SPSB1: variants seen among roughly 807,000 people sequenced by gnomAD.
SPSB1 encodes the protein SPRY domain-containing SOCS box protein 1.
In SPSB1, 8 loss-of-function variants were observed where a neutral mutation model predicts 21.2. That is an observed-to-expected ratio of 0.38 (90% CI 0.22 to 0.68). The LOEUF (loss-of-function observed/expected upper bound fraction) is 0.68. Ranked by LOEUF, SPSB1 falls within the 30% of genes least tolerant of loss-of-function variation. SPSB1 has a pLI of 0.53. For synonymous variants in SPSB1, 169 were observed against 161.7 expected (o/e 1.05, Z -0.34); for missense variants, 242 against 377.8 (o/e 0.64, Z 2.98).
chr1:9,310,379 T>C (rs1203962302), intron 1 of SPSB1, among the ~76,000 whole-genome samples: 1 of 152,162 alleles, frequency 6.6e-6, no homozygotes, highest in Non-Finnish European at 1.5e-5. Flanking sequence ...TTCTAAGGGA[T>C]GAGCTCCTGG....
At chr1:9,300,878 G>A (rs1385293416) in intron 1 of SPSB1, among the ~76,000 whole-genome samples, 2 of 152,190 alleles carry the variant, frequency 1.3e-5, no homozygotes, top group Non-Finnish European at 2.9e-5. Context: ...CCCTCTGATC[G>A]ATTGACAGTG....
intron 1 of SPSB1, among the ~76,000 whole-genome samples, chr1:9,354,082 C>T (rs963528007): frequency 4.8e-4 from 73 of 152,258 alleles, no homozygotes; most frequent in African/African-American, 1.5e-3. Flanking sequence ...AACAGGGTCT[C>T]GTGGGGCCTC....
At chr1:9,340,896 G>A (rs1440144462) in intron 1 of SPSB1, among the ~76,000 whole-genome samples, 1 of 152,234 alleles carries the variant, frequency 6.6e-6, no homozygotes, top group Non-Finnish European at 1.5e-5. Flanking sequence ...GTACCTGGCT[G>A]CGGTGCGGGG....
At position 9,321,053 on chromosome 1, in the gene SPSB1, C is replaced by G. The variant is rs1639715053; in HGVS notation, c.-150+27982C>G. Reference sequence around the variant, plus strand: ...GGGGATTCTGGCTGGAAAAGGCAGCCGTGTAATTACAGGTACTGGAAATAG... The same window carrying G: ...GGGGATTCTGGCTGGAAAAGGCAGCGGTGTAATTACAGGTACTGGAAATAG... On this transcript the variant is annotated intron_variant, in intron 1 of 2. Coordinates refer to ENST00000328089, the MANE Select transcript of SPSB1 (RefSeq NM_025106.4). The surrounding 1 kb of genome is among the most constrained non-coding windows in gnomAD (Gnocchi z 4.8). Among the ~76,000 whole-genome samples, 1 of 152,164 alleles carries G rather than the reference C, an allele frequency of 6.6e-6. No individual in the cohort carries two copies. Among genetic ancestry groups the G allele is most frequent in the Non-Finnish European group, 1.5e-5 (1 of 68,036 alleles).
Position 9,367,241 on chromosome 1 carries a change from G to C in SPSB1, c.695-207G>C, listed in dbSNP as rs1446434149. 6.6e-6 allele frequency among the ~76,000 whole-genome samples: 1 copy of C among 152,226 alleles called. No homozygotes were observed. The highest frequency in any genetic ancestry group is 1.5e-5 in the Non-Finnish European group (1 of 68,038). On this transcript the variant is annotated intron_variant, in intron 2 of 2. Coordinates refer to ENST00000328089, the MANE Select transcript of SPSB1 (RefSeq NM_025106.4). The surrounding 1 kb of genome is among the most constrained non-coding windows in gnomAD (Gnocchi z 5.9). ...TGAGGATTAAATGAGTGTTAGCAGAGGGCTCGCCCAGGTGCCCAGCCCAGG... is the reference window on the plus strand; with the variant it reads ...TGAGGATTAAATGAGTGTTAGCAGACGGCTCGCCCAGGTGCCCAGCCCAGG...
chr1:9,313,584 G>T (rs1639560925), intron 1 of SPSB1, among the ~76,000 whole-genome samples: 2 of 152,116 alleles, frequency 1.3e-5, no homozygotes, highest in Admixed American at 1.3e-4. Context: ...TCTGGGAGGG[G>T]TGGGCCCGGG....
chr1:9,337,140 GGAA>G (rs1640016724), intron 1 of SPSB1, among the ~76,000 whole-genome samples: 1 of 152,114 alleles, frequency 6.6e-6, no homozygotes, highest in Non-Finnish European at 1.5e-5. Flanking sequence ...ACATGAGAGG[GGAA>G]GGGGTGCTTT....
rs113632654 is a variant in SPSB1 at position 9,320,348 on chromosome 1, C to A, written c.-150+27277C>A. Among the ~76,000 whole-genome samples the A allele has an allele frequency of 2.8e-3, 433 of 152,338 alleles. 2 individuals carry two copies. Among genetic ancestry groups the A allele is most frequent in the African/African-American group, 0.01 (418 of 41,572 alleles). On this transcript the variant is annotated intron_variant, in intron 1 of 2. Transcript: ENST00000328089. ...TCTGTGTCGCCTCCTCCATCCCAGC[C>A]AGATGGCTGAAAGCTCCCGGGGACT...
intron 1 of SPSB1, among the ~76,000 whole-genome samples, chr1:9,334,585 C>T (rs778964316): frequency 1.2e-4 from 18 of 152,162 alleles, no homozygotes; most frequent in Non-Finnish European, 2.5e-4. Flanking sequence ...TATTGTTGTA[C>T]AACCATCACC....
intron 1 of SPSB1, among the ~76,000 whole-genome samples, chr1:9,319,936 C>G (rs114558831): frequency 5.3e-5 from 8 of 152,098 alleles, no homozygotes; most frequent in African/African-American, 1.9e-4. Context: ...GGACCATAGC[C>G]GGCCCCTGAG....
Position 9,358,879 on chromosome 1 carries a change from A to G in SPSB1, c.694+2294A>G, listed in dbSNP as rs567130550. Among the ~76,000 whole-genome samples the G allele has an allele frequency of 2.6e-5, 4 of 152,316 alleles. No individual in the cohort carries two copies. The East Asian group carries it at 7.7e-4, about 29-fold the overall frequency. ...GGAGGGGACTGGAGCCTATTTGAAC[A>G]GAGGGTTCCGCCCACCCAGTCCTGG... is the stretch of plus-strand genomic sequence containing the variant. On this transcript the variant is annotated intron_variant, in intron 2 of 2. Coordinates refer to ENST00000328089, the MANE Select transcript of SPSB1 (RefSeq NM_025106.4).
chr1:9,362,423 A>G (rs1640497550), intron 2 of SPSB1, among the ~76,000 whole-genome samples: 1 of 152,230 alleles, frequency 6.6e-6, no homozygotes, highest in Non-Finnish European at 1.5e-5. Context: ...CGTAGTGTAG[A>G]GGAAAACACA....
intron 2 of SPSB1, among the ~76,000 whole-genome samples, chr1:9,366,081 T>G (rs1004751089): frequency 2.0e-5 from 3 of 152,224 alleles, no homozygotes; most frequent in Non-Finnish European, 2.9e-5. Context: ...GAACTCAGCC[T>G]CCTTTGTAGG....
intron 1 of SPSB1, among the ~76,000 whole-genome samples, chr1:9,314,708 C>A (rs925875184): frequency 6.6e-6 from 1 of 152,232 alleles, no homozygotes; most frequent in African/African-American, 2.4e-5. Context: ...GAGTGTCAGA[C>A]TTGAATTACC....
rs1557461959 is a variant in SPSB1 at position 9,348,073 on chromosome 1, T to C, written c.-149-7670T>C. Among the ~76,000 whole-genome samples the C allele has an allele frequency of 6.6e-6, 1 of 151,622 alleles. No individual in the cohort carries two copies. The highest frequency in any genetic ancestry group is 1.5e-5 in the Non-Finnish European group (1 of 67,936). On this transcript the variant is annotated intron_variant, in intron 1 of 2. Transcript: ENST00000328089. This position sits in a 1 kb window ranked among gnomAD's most constrained non-coding sequence, Gnocchi z 4.8. ...GATTCTCCTGCCTCAGCCTCCCGAG[T>C]AGCTGGGATTACAGGTGCTCACCAC...
intron 1 of SPSB1, among the ~76,000 whole-genome samples, chr1:9,302,564 A>G (rs1253961072): frequency 1.3e-5 from 2 of 152,090 alleles, no homozygotes; most frequent in Non-Finnish European, 2.9e-5. Context: ...CTGCGCTTGG[A>G]TGTCAGAACT....
chr1:9,352,469 G>A (rs1160301098), intron 1 of SPSB1, among the ~76,000 whole-genome samples: 2 of 152,306 alleles, frequency 1.3e-5, no homozygotes, highest in Admixed American at 6.5e-5. Flanking sequence ...AGCCACGCGC[G>A]TTTATTTATG....
chr1:9,295,228 G>C (rs1322336186), intron 1 of SPSB1, among the ~76,000 whole-genome samples: 2 of 151,296 alleles, frequency 1.3e-5, no homozygotes, highest in Non-Finnish European at 2.9e-5. Context: ...GTGTGTGTGT[G>C]TGTGTGTGTG....
chr1:9,345,858 A>ATCCCTCCTTGAGGGG lies in SPSB1; in HGVS notation c.-149-9876_-149-9862dup, dbSNP rs1640160013. ...TCTAGGGGCACAGACTTATTTTTATATCCCTCCTTGAGGGGTCCCTCCTCA... is the reference window on the plus strand; with the variant it reads ...TCTAGGGGCACAGACTTATTTTTATATCCCTCCTTGAGGGGTCCCTCCTTGAGGGGTCCCTCCTCA... On this transcript the variant is annotated intron_variant, in intron 1 of 2. Transcript: ENST00000328089. This position sits in a 1 kb window ranked among gnomAD's most constrained non-coding sequence, Gnocchi z 4.8. Among the ~76,000 whole-genome samples the ATCCCTCCTTGAGGGG allele has an allele frequency of 6.6e-6, 1 of 152,138 alleles. No homozygotes were observed. The highest frequency in any genetic ancestry group is 2.4e-5 in the African/African-American group (1 of 41,424).
Sources: allele counts gnomAD v4.1 joint callset (sites outside exome capture counted in the v4.1 genomes callset), GRCh38; gene constraint gnomAD v4.1.1; non-coding constraint Gnocchi (gnomAD v3.1); transcripts MANE v1.5; gene names NCBI Gene and HGNC (gene_info 2026-07-23, HGNC 2026-07-21).